The following SLC44A5 variants were observed in gnomAD, a reference collection of about 807,000 sequenced individuals.
The protein encoded by SLC44A5 is choline transporter-like protein 5.
Under a neutral mutation model 101.8 loss-of-function variants are expected in SLC44A5, and 57 were observed. That is an observed-to-expected ratio of 0.56 (90% CI 0.45 to 0.70). SLC44A5 has a LOEUF of 0.70. Among genes scored for constraint, SLC44A5 ranks in the 30% least tolerant of loss-of-function variants. SLC44A5 has a pLI of 0.00. For synonymous variants in SLC44A5, 281 were observed against 290.9 expected (o/e 0.97, Z 0.35); for missense variants, 737 against 853.1 (o/e 0.86, Z 1.70).
intron 2 of SLC44A5, among the ~76,000 whole-genome samples, chr1:75,488,026 T>A (rs1008380955): frequency 2.0e-5 from 3 of 151,606 alleles, no homozygotes; most frequent in African/African-American, 7.3e-5. Flanking sequence ...GGGATCTACG[T>A]TGTATGCTTC....
At chr1:75,375,845 G>A (rs1004107184) in intron 3 of SLC44A5, among the ~76,000 whole-genome samples, 32 of 152,328 alleles carry the variant, frequency 2.1e-4, no homozygotes, top group Middle Eastern at 3.4e-3. Context: ...CAAGATGGCC[G>A]AATAGGAACA....
chr1:75,590,988 C>T (rs991713445), intron 1 of SLC44A5, among the ~76,000 whole-genome samples: 12 of 152,200 alleles, frequency 7.9e-5, no homozygotes, highest in East Asian at 1.9e-4. Flanking sequence ...AGGACTTTGG[C>T]GAGACCCTGC....
intron 2 of SLC44A5, among the ~76,000 whole-genome samples, chr1:75,518,878 C>T (rs964376599): frequency 9.9e-5 from 15 of 152,064 alleles, no homozygotes; most frequent in African/African-American, 2.2e-4. Flanking sequence ...TGAATGCTAA[C>T]GAGATTTCTT....
intron 5 of SLC44A5, among the ~76,000 whole-genome samples, chr1:75,275,676 A>C (rs1256894739): frequency 6.6e-6 from 1 of 152,180 alleles, no homozygotes; most frequent in Non-Finnish European, 1.5e-5. Context: ...TTTTCTATGA[A>C]GACAATGGGC....
chr1:75,533,170 T>C (rs944356354), intron 2 of SLC44A5, among the ~76,000 whole-genome samples: 12 of 152,190 alleles, frequency 7.9e-5, no homozygotes, highest in African/African-American at 2.7e-4. Flanking sequence ...TGATTCTGGC[T>C]CTATAGCTCT....
chr1:75,633,977 A>C, the SLC44A5 span, among the ~76,000 whole-genome samples: 4 of 152,050 alleles, frequency 2.6e-5, no homozygotes, highest in Non-Finnish European at 5.9e-5. Flanking sequence ...TATTGAGATA[A>C]TCATGTGGTT....
chr1:75,357,317 A>T (rs1659156342), intron 3 of SLC44A5: 1 of 428,190 alleles, frequency 2.3e-6, no homozygotes, highest in African/African-American at 2.1e-5. Flanking sequence ...TCATTGATAG[A>T]GAGCCCTTAA....
chr1:75,350,973 G>A (rs906629485), intron 3 of SLC44A5, among the ~76,000 whole-genome samples: 5 of 150,890 alleles, frequency 3.3e-5, no homozygotes, highest in South Asian at 2.1e-4. Flanking sequence ...AATTTTAACC[G>A]AAAGGAATGA....
chr1:75,484,841 C>T (rs1039024239), intron 2 of SLC44A5, among the ~76,000 whole-genome samples: 2 of 152,248 alleles, frequency 1.3e-5, no homozygotes, highest in Admixed American at 6.5e-5. Flanking sequence ...GAAAGCTGCA[C>T]AGGTTTGGGG....
At chr1:75,322,181 A>C (rs1656207026) in intron 4 of SLC44A5, among the ~76,000 whole-genome samples, 1 of 152,088 alleles carries the variant, frequency 6.6e-6, no homozygotes, top group Non-Finnish European at 1.5e-5. Flanking sequence ...GTGTGGTGGC[A>C]CATGCCTGTA....
At chr1:75,479,750 C>A (rs1348400633) in intron 2 of SLC44A5, among the ~76,000 whole-genome samples, 1 of 152,140 alleles carries the variant, frequency 6.6e-6, no homozygotes, top group African/African-American at 2.4e-5. Flanking sequence ...GAAATTGTGG[C>A]AATAATCAAT....
the SLC44A5 span, among the ~76,000 whole-genome samples, chr1:75,647,272 C>G: frequency 6.6e-6 from 1 of 152,158 alleles, no homozygotes; most frequent in African/African-American, 2.4e-5. Context: ...CCTGCAGGTA[C>G]AAAGAAGTCA....
chr1:75,367,854 C>A (rs1005255184), intron 3 of SLC44A5, among the ~76,000 whole-genome samples: 5 of 152,298 alleles, frequency 3.3e-5, no homozygotes, highest in Admixed American at 6.5e-5. Context: ...ATAGCTCCCA[C>A]AAAGGCATTT....
chr1:75,395,690 T>C (rs1165889153), intron 3 of SLC44A5, among the ~76,000 whole-genome samples: 2 of 152,166 alleles, frequency 1.3e-5, no homozygotes, highest in Non-Finnish European at 2.9e-5. Context: ...TGTATATTTA[T>C]GGGTTGCAAT....
intron 2 of SLC44A5, among the ~76,000 whole-genome samples, chr1:75,400,538 C>T (rs1354180907): frequency 1.9e-4 from 29 of 152,190 alleles, no homozygotes; most frequent in Admixed American, 1.9e-3. Flanking sequence ...ACTCTTTGGG[C>T]TTCAGGTGCC....
In SLC44A5 at chr1:75,288,408, CA is replaced by C. The variant is rs1653246824; in HGVS notation, c.175+12203del. On this transcript the variant is annotated intron_variant, in intron 5 of 23. Coordinates refer to ENST00000370859, the MANE Select transcript of SLC44A5 (RefSeq NM_001130058.2). ...TTAAAATTCCAGTCTAGAATATGAT[CA>C]AACTCCTTTTCATTCATTCATTCAT... Among the ~76,000 whole-genome samples, 4 of 152,132 alleles carry C rather than the reference CA, an allele frequency of 2.6e-5. No homozygotes were observed. In the South Asian group the frequency reaches 8.3e-4, roughly 32 times the overall value.
intron 5 of SLC44A5, among the ~76,000 whole-genome samples, chr1:75,275,778 T>A (rs1651869887): frequency 6.6e-6 from 1 of 152,118 alleles, no homozygotes. Context: ...TTAGGTCAAT[T>A]AGGAAATGCT....
At chr1:75,676,214 A>G in the SLC44A5 span, among the ~76,000 whole-genome samples, 2 of 152,238 alleles carry the variant, frequency 1.3e-5, no homozygotes, top group African/African-American at 4.8e-5. Context: ...CCAAAGGAAC[A>G]GAAATTTTTC....
chr1:75,607,994 C>T lies in SLC44A5; in HGVS notation c.-70+3046G>A, dbSNP rs75209031. Among the ~76,000 whole-genome samples the T allele has an allele frequency of 9.3e-3, 1,412 of 152,060 alleles. 9 individuals are homozygous for T. Among genetic ancestry groups the T allele is most frequent in the South Asian group, 0.018 (86 of 4,820 alleles). ...AGTTTGTACTGTTTGACTAGTATCT[C>T]CTCACTTCTCCCACTCCCCCAGCCT... On this transcript the variant is annotated intron_variant, in intron 1 of 23. Transcript: ENST00000370859.
Sources: allele counts gnomAD v4.1 joint callset (sites outside exome capture counted in the v4.1 genomes callset), GRCh38; gene constraint gnomAD v4.1.1; transcripts MANE v1.5; gene names NCBI Gene and HGNC (gene_info 2026-07-23, HGNC 2026-07-21).